The following RPH3A variants were observed in gnomAD, a reference collection of about 807,000 sequenced individuals.
RPH3A encodes rabphilin-3A.
Under a neutral mutation model 102.2 loss-of-function variants are expected in RPH3A, and 48 were observed. The observed-to-expected ratio is 0.47, with a 90% CI of 0.37 to 0.60. RPH3A has a LOEUF of 0.60. Ranked by LOEUF, RPH3A falls within the 20% of genes least tolerant of loss-of-function variation. RPH3A has a pLI of 0.00. For synonymous variants in RPH3A, 310 were observed against 324.3 expected (o/e 0.96, Z 0.47); for missense variants, 781 against 910.1 (o/e 0.86, Z 1.83).
intron 1 of RPH3A, among the ~76,000 whole-genome samples, chr12:112,640,541 A>T (rs1361588008): frequency 1.3e-5 from 2 of 151,564 alleles, no homozygotes; most frequent in Non-Finnish European, 2.9e-5. Context: ...TTCTCAGGAT[A>T]GTTACCCTGG....
intron 1 of RPH3A, among the ~76,000 whole-genome samples, chr12:112,720,897 A>G (rs1028606807): frequency 6.6e-6 from 1 of 152,222 alleles, no homozygotes; most frequent in Non-Finnish European, 1.5e-5. Flanking sequence ...GAAAGGATGA[A>G]GAATTGGAGC....
chr12:112,818,170 A>G (rs2041711722), intron 2 of RPH3A, among the ~76,000 whole-genome samples: 1 of 151,872 alleles, frequency 6.6e-6, no homozygotes. Flanking sequence ...CACAGTGGTG[A>G]GCGCCTGTAG....
chr12:112,736,168 G>A lies in RPH3A; in HGVS notation c.-139-55975G>A, dbSNP rs561617239. On this transcript the variant is annotated intron_variant, in intron 1 of 21. Coordinates refer to the RPH3A transcript ENST00000543106. Reference sequence around the variant, plus strand: ...TTCTTGGTTGTGGGAGCTTTCCTGGGCATTGTAAGATGTTGTGTACTACCC... The same window carrying A: ...TTCTTGGTTGTGGGAGCTTTCCTGGACATTGTAAGATGTTGTGTACTACCC... 2.0e-5 allele frequency among the ~76,000 whole-genome samples: 3 copies of A among 152,186 alleles called. No individual in the cohort carries two copies. In the South Asian group the frequency reaches 6.2e-4, roughly 32 times the overall value.
chr12:112,893,484 T>C (rs2043132144), intron 19 of RPH3A: 2 of 152,248 alleles, frequency 1.3e-5, no homozygotes, highest in Admixed American at 6.5e-5. Context: ...CCATTGTGTT[T>C]ACTCACCCAG....
intron 1 of RPH3A, among the ~76,000 whole-genome samples, chr12:112,764,123 G>A (rs544496452): frequency 6.6e-6 from 1 of 152,300 alleles, no homozygotes; most frequent in East Asian, 1.9e-4. Context: ...GAACCTGGAA[G>A]GTTTGCTAAA....
chr12:112,591,072 C>T (rs1253879958), intron 1 of RPH3A, among the ~76,000 whole-genome samples: 1 of 152,148 alleles, frequency 6.6e-6, no homozygotes. Flanking sequence ...CCCACCTCAG[C>T]CTCCTAAGTA....
chr12:112,745,064 T>C (rs1337699651), intron 1 of RPH3A, among the ~76,000 whole-genome samples: 1 of 152,218 alleles, frequency 6.6e-6, no homozygotes. Flanking sequence ...AGTTGTCATG[T>C]CTTCTTAACA....
At chr12:112,736,195 T>C (rs1258105829) in intron 1 of RPH3A, among the ~76,000 whole-genome samples, 1 of 152,226 alleles carries the variant, frequency 6.6e-6, no homozygotes, top group Admixed American at 6.5e-5. Flanking sequence ...GTACTACCCC[T>C]GACCTCTATG....
chr12:112,827,699 A>G (rs553208251), intron 2 of RPH3A, among the ~76,000 whole-genome samples: 1 of 152,162 alleles, frequency 6.6e-6, no homozygotes, highest in African/African-American at 2.4e-5. Context: ...TAAAAAAGGC[A>G]GGGACACATG....
chr12:112,643,959 T>C (rs1308211506), intron 1 of RPH3A, among the ~76,000 whole-genome samples: 2 of 152,206 alleles, frequency 1.3e-5, no homozygotes, highest in Non-Finnish European at 2.9e-5. Context: ...GGAATACTAC[T>C]CAGCCATAAA....
chr12:112,707,011 G>C (rs187455003), intron 1 of RPH3A, among the ~76,000 whole-genome samples: 79 of 152,262 alleles, frequency 5.2e-4, no homozygotes, highest in African/African-American at 1.7e-3. Context: ...TTCTCTGCAA[G>C]GGCTTTGTAC....
chr12:112,752,003 G>A lies in RPH3A; in HGVS notation c.-139-40140G>A, dbSNP rs2136061316. 2.0e-5 allele frequency among the ~76,000 whole-genome samples: 3 copies of A among 152,286 alleles called. No homozygotes were observed. In the South Asian group the frequency reaches 6.2e-4, roughly 32 times the overall value. On this transcript the variant is annotated intron_variant, in intron 1 of 21. Transcript: ENST00000543106. ...GTAAATAAACATTAGTGCTGCTTTT[G>A]TAAGATAGGGTGTGTACCCCAGTGT...
At chr12:112,742,695 TG>T (rs2040718228) in intron 1 of RPH3A, among the ~76,000 whole-genome samples, 1 of 152,206 alleles carries the variant, frequency 6.6e-6, no homozygotes, top group Non-Finnish European at 1.5e-5. Context: ...ATGCTGCACC[TG>T]ACATCCCAGC....
intron 1 of RPH3A, among the ~76,000 whole-genome samples, chr12:112,784,379 T>A (rs1206228171): frequency 1.3e-5 from 2 of 152,164 alleles, no homozygotes; most frequent in Non-Finnish European, 2.9e-5. Flanking sequence ...ATTGCTCTTC[T>A]GAGGTGATGA....
chr12:112,679,015 C>G (rs1181318532), intron 1 of RPH3A, among the ~76,000 whole-genome samples: 3 of 152,174 alleles, frequency 2.0e-5, no homozygotes, highest in Admixed American at 6.5e-5. Context: ...CATCAGAATG[C>G]CAACTTCATT....
intron 1 of RPH3A, among the ~76,000 whole-genome samples, chr12:112,679,529 A>C (rs1308246264): frequency 1.3e-5 from 2 of 152,066 alleles, no homozygotes; most frequent in Non-Finnish European, 2.9e-5. Flanking sequence ...GGATTTAAGC[A>C]GTTCTCCTGC....
intron 1 of RPH3A, among the ~76,000 whole-genome samples, chr12:112,765,926 C>T (rs535995874): frequency 6.6e-6 from 1 of 152,334 alleles, no homozygotes; most frequent in Admixed American, 6.5e-5. Context: ...GGAACTATGG[C>T]TGGGCTTCAT....
At chr12:112,865,374 A>T in intron 5 of RPH3A, 40 bp from the exon 6 acceptor site, 1 of 1,607,168 alleles carries the variant, frequency 6.2e-7, no homozygotes, top group Non-Finnish European at 8.5e-7. Context: ...GGTGGTCCCC[A>T]GTCCTACAAG....
chr12:112,777,470 C>T (rs1022328576), intron 1 of RPH3A, among the ~76,000 whole-genome samples: 1 of 152,168 alleles, frequency 6.6e-6, no homozygotes, highest in African/African-American at 2.4e-5. Context: ...TGTTAGCCTC[C>T]TTTGGCCATT....
Sources: gnomAD v4.1 joint callset for allele counts (sites outside exome capture counted in the v4.1 genomes callset) on GRCh38, gnomAD v4.1.1 for gene constraint, MANE v1.5 for transcripts, NCBI Gene and HGNC (gene_info 2026-07-23, HGNC 2026-07-21) for gene names.